The following ABCG2 variants were observed in gnomAD, a reference collection of about 807,000 sequenced individuals.
ABCG2 encodes broad substrate specificity ATP-binding cassette transporter ABCG2.
ABCG2 carries 80 observed loss-of-function variants against 73.5 expected under a neutral mutation model. The ratio of observed to expected loss-of-function variants is 1.09; its 90% CI spans 0.91 to 1.31. The LOEUF (loss-of-function observed/expected upper bound fraction) is 1.31. Ranked by LOEUF, ABCG2 falls within the 50% of genes most tolerant of loss-of-function variation. ABCG2 has a pLI of 0.00. For missense variants in ABCG2, 796 were observed against 786.2 expected (o/e 1.01, Z -0.15); for synonymous variants, 269 against 282.4 (o/e 0.95, Z 0.48).
intron 1 of ABCG2, among the ~76,000 whole-genome samples, chr4:88,218,983 TAGAA>T (rs1729912200): frequency 1.3e-5 from 2 of 152,066 alleles, no homozygotes. Flanking sequence ...AGGCGATACA[TAGAA>T]AGGAAATACG....
intron 1 of ABCG2, among the ~76,000 whole-genome samples, chr4:88,202,354 T>TATATATATATCTATATATATATATA (rs1553945717): frequency 1.6e-5 from 1 of 62,086 alleles, no homozygotes. Flanking sequence ...CTACAATTAT[T>TATATATATATCTATATATATATATA]TATATATATA....
chr4:88,123,247 C>T (rs1419688662), intron 5 of ABCG2, among the ~76,000 whole-genome samples: 2 of 151,972 alleles, frequency 1.3e-5, no homozygotes, highest in Non-Finnish European at 2.9e-5. Context: ...AGGCAGAATG[C>T]CTCTTCTCCT....
chr4:88,150,350 G>A (rs1726372046), intron 1 of ABCG2, among the ~76,000 whole-genome samples: 1 of 152,182 alleles, frequency 6.6e-6, no homozygotes, highest in South Asian at 2.1e-4. Context: ...AGAGCTCTGA[G>A]GGTGGCCTTC....
intron 1 of ABCG2, among the ~76,000 whole-genome samples, chr4:88,190,125 C>T (rs1728624934): frequency 6.6e-6 from 1 of 152,100 alleles, no homozygotes; most frequent in Admixed American, 6.6e-5. Context: ...CCTTTAACTA[C>T]AAGAGTTGTT....
chr4:88,206,194 T>C (rs751970638), intron 1 of ABCG2, among the ~76,000 whole-genome samples: 125 of 152,296 alleles, frequency 8.2e-4, no homozygotes, highest in Non-Finnish European at 1.5e-3. Flanking sequence ...CGCGGTGTCC[T>C]GTAATCCCAG....
At chr4:88,174,969 C>G (rs898380116) in intron 1 of ABCG2, among the ~76,000 whole-genome samples, 1 of 152,124 alleles carries the variant, frequency 6.6e-6, no homozygotes, top group Non-Finnish European at 1.5e-5. Context: ...TTCCCAGCAC[C>G]ATTTATTAAA....
chr4:88,209,743 GAA>G (rs1729519024), intron 1 of ABCG2, among the ~76,000 whole-genome samples: 1 of 152,102 alleles, frequency 6.6e-6, no homozygotes, highest in Non-Finnish European at 1.5e-5. Context: ...TTAAGTGAAA[GAA>G]AATTTTTCAG....
chr4:88,135,719 G>C (rs1031242684), intron 2 of ABCG2, among the ~76,000 whole-genome samples: 1 of 152,172 alleles, frequency 6.6e-6, no homozygotes, highest in African/African-American at 2.4e-5. Context: ...TCCTGCACTA[G>C]CAGGCATTCA....
intron 1 of ABCG2, among the ~76,000 whole-genome samples, chr4:88,210,595 C>CTTTT (rs11461199): frequency 6.8e-6 from 1 of 146,254 alleles, no homozygotes; most frequent in Admixed American, 6.8e-5. Flanking sequence ...TTTTTCTTTT[C>CTTTT]TTTTTTTTTT....
intron 1 of ABCG2, among the ~76,000 whole-genome samples, chr4:88,211,158 T>G (rs1729574668): frequency 6.6e-6 from 1 of 151,720 alleles, no homozygotes; most frequent in African/African-American, 2.4e-5. Context: ...TTTGGCTAAT[T>G]AAGGAGAGGA....
intron 1 of ABCG2, among the ~76,000 whole-genome samples, chr4:88,202,231 C>A (rs558403659): frequency 6.6e-6 from 1 of 150,726 alleles, no homozygotes; most frequent in Non-Finnish European, 1.5e-5. Flanking sequence ...AGAGTCTAGG[C>A]GTTATGTGAT....
At chr4:88,213,841 C>A (rs1406012737) in intron 1 of ABCG2, among the ~76,000 whole-genome samples, 1 of 151,842 alleles carries the variant, frequency 6.6e-6, no homozygotes, top group Non-Finnish European at 1.5e-5. Context: ...TGCCACCGTG[C>A]CCAGCTAATT....
chr4:88,207,396 ACATCCTAGTCT>A (rs1729420010), intron 1 of ABCG2, among the ~76,000 whole-genome samples: 2 of 152,186 alleles, frequency 1.3e-5, no homozygotes, highest in African/African-American at 4.8e-5. Context: ...AAACAGGTCT[ACATCCTAGTCT>A]CCTTTTTAAC....
At chr4:88,094,549 C>T in intron 15 of ABCG2, 28 bp downstream of exon 15, 1 of 1,585,942 alleles carries the variant, frequency 6.3e-7, no homozygotes, top group Non-Finnish European at 8.7e-7. Flanking sequence ...AGTAACAAAA[C>T]CCATTTTGAC....
At chr4:88,118,590 C>G (rs1049639661) in intron 6 of ABCG2, among the ~76,000 whole-genome samples, 1 of 152,104 alleles carries the variant, frequency 6.6e-6, no homozygotes. Flanking sequence ...AAGAAGCAAC[C>G]CAGGTAATCT....
chr4:88,212,376 T>A (rs1046760105), intron 1 of ABCG2, among the ~76,000 whole-genome samples: 3 of 152,152 alleles, frequency 2.0e-5, no homozygotes, highest in Non-Finnish European at 2.9e-5. Context: ...TTGTAGCCCC[T>A]GGTACTGTCA....
Position 88,092,312 on chromosome 4 carries a change from G to A in ABCG2, c.1890C>T (p.His630=), listed in dbSNP as rs754335841. 9.3e-6 allele frequency: 15 copies of A among 1,613,690 alleles called. No homozygotes were observed. The highest frequency in any genetic ancestry group is 2.2e-5 in the East Asian group (1 of 44,878). The change falls in exon 16 of 16, where the codon CAC becomes CAT. Residue 630 remains histidine, a synonymous_variant. Coordinates refer to ENST00000237612, the MANE Select transcript of ABCG2 (RefSeq NM_004827.3). ...DLSPWGLWKN[H]VALACMIVIF... ...TAACAATCATACAAGCCAAGGCCAC[G>A]TGATTCTTCCACAAGCCCCAGGGTG...
chr4:88,132,507 A>G, intron 3 of ABCG2, 69 bp downstream of exon 3: 1 of 1,539,940 alleles, frequency 6.5e-7, no homozygotes, highest in Non-Finnish European at 9.0e-7. Flanking sequence ...TCGCACACAA[A>G]AAAAAGTGGC....
Position 88,131,168 on chromosome 4 carries a change from AC to A in ABCG2, c.423del (p.Gln141HisfsTer12), listed in dbSNP as rs1228455521. The A allele has an allele frequency of 3.7e-6, 6 of 1,613,888 alleles. No homozygotes were observed. The highest frequency in any genetic ancestry group is 5.1e-6 in the Non-Finnish European group (6 of 1,179,958). ...GTTGCAAGCCGAAGAGCTGCTGAGA[AC>A]TGTAAGTTTTCTCTCACCGTCAGAG... ...MGTLTVRENL[Q>X]FSAALRLATT... On this transcript the variant is annotated frameshift_variant, in exon 5 of 16. Transcript: ENST00000237612. LOFTEE classifies it high-confidence loss of function.
Sources: allele counts gnomAD v4.1 joint callset (sites outside exome capture counted in the v4.1 genomes callset), GRCh38; gene constraint gnomAD v4.1.1; transcripts MANE v1.5; gene names NCBI Gene and HGNC (gene_info 2026-07-23, HGNC 2026-07-21).